Variants in AGPS observed in about 807,000 individuals in gnomAD.
The protein encoded by AGPS is alkylglycerone phosphate synthase.
Under a neutral mutation model 90.7 loss-of-function variants are expected in AGPS, and 26 were observed. The ratio of observed to expected loss-of-function variants is 0.29; its 90% CI spans 0.21 to 0.40. The LOEUF (loss-of-function observed/expected upper bound fraction) is 0.40, where lower values mean the gene tolerates loss of function less well. Among genes scored for constraint, AGPS ranks in the 10% least tolerant of loss-of-function variants. The pLI is 1.00. For missense variants in AGPS, 540 were observed against 816.1 expected, an observed-to-expected ratio of 0.66 and a Z score of 4.12; for synonymous variants, 294 against 285.3, an observed-to-expected ratio of 1.03 and a Z score of -0.31.
intron 18 of AGPS, 29 bp from the exon 19 acceptor site, chr2:177,523,719 A>G (rs772134364): frequency 6.2e-7 from 1 of 1,608,006 alleles, no homozygotes; most frequent in Admixed American, 1.7e-5. Flanking sequence ...CTAACTAGCA[A>G]CAATTTGTTG....
chr2:177,414,896 T>TTGTGTGTGTGTGTG (rs1685739163), intron 1 of AGPS, among the ~76,000 whole-genome samples: 3 of 31,524 alleles, frequency 9.5e-5, no homozygotes, highest in Admixed American at 4.6e-4. Context: ...CTATGAAGGT[T>TTGTGTGTGTGTGTG]CGTGTGTGTG....
chr2:177,532,157 G>GGACT, intron 19 of AGPS, among the ~76,000 whole-genome samples: 1 of 152,048 alleles, frequency 6.6e-6, no homozygotes, highest in East Asian at 1.9e-4. Flanking sequence ...GCTCTATGAA[G>GGACT]GACTCTGTTA....
At chr2:177,458,160 C>T (rs879263311) in intron 8 of AGPS, among the ~76,000 whole-genome samples, 11 of 152,154 alleles carry the variant, frequency 7.2e-5, no homozygotes, top group African/African-American at 2.4e-4. Flanking sequence ...TAAAAACTCT[C>T]AATAAACTAG....
chr2:177,525,880 A>G lies in AGPS; in HGVS notation c.1855+2075A>G, dbSNP rs114741850. Among the ~76,000 whole-genome samples, 1,392 of 152,340 alleles carry G rather than the reference A, an allele frequency of 9.1e-3. 20 individuals carry two copies. Among genetic ancestry groups the G allele is most frequent in the African/African-American group, 0.031 (1,297 of 41,576 alleles). Reference sequence around the variant, plus strand: ...ATTTGTAAGATGCAGAAAGTGTAATATGGCAGAACTGCTGATTTTACTTAT... The same window carrying G: ...ATTTGTAAGATGCAGAAAGTGTAATGTGGCAGAACTGCTGATTTTACTTAT... On this transcript the variant is annotated intron_variant, in intron 19 of 19. Coordinates refer to ENST00000264167, the MANE Select transcript of AGPS (RefSeq NM_003659.4).
Position 177,403,617 on chromosome 2 carries a change from A to G in AGPS, c.260+10568A>G, listed in dbSNP as rs571490449. On this transcript the variant is annotated intron_variant, in intron 1 of 19. Transcript: ENST00000264167. ...ATGTTATGCATTTTGTTGCAGAAAA[A>G]AATAGAAAATAATAATCAAAATGAA... is the stretch of plus-strand genomic sequence containing the variant. Among the ~76,000 whole-genome samples the G allele has an allele frequency of 2.0e-5, 3 of 152,342 alleles. No homozygotes were observed. The South Asian group carries it at 6.2e-4, about 32-fold the overall frequency.
chr2:177,520,604 G>A lies in AGPS; in HGVS notation c.1698-665G>A, dbSNP rs368792489. 1.7e-4 allele frequency among the ~76,000 whole-genome samples: 26 copies of A among 152,286 alleles called. No homozygotes were observed. In the East Asian group the frequency reaches 2.1e-3, roughly 12 times the overall value. On this transcript the variant is annotated intron_variant, in intron 17 of 19. Coordinates refer to ENST00000264167, the MANE Select transcript of AGPS (RefSeq NM_003659.4). ...GTGTGGTCCTTTGGCAGGAAAACAC[G>A]CTCTTGAAAAGTAATGGAGTTGTAC...
In AGPS at chr2:177,521,254, T is replaced by A; in HGVS notation, c.1698-15T>A. ...TTAACTTAAAGCCCCTGTGGGGATT[T>A]TGTTTGTTTTTTAGGGTGACGCAGA... On this transcript the variant is annotated splice_polypyrimidine_tract_variant and intron_variant, in intron 17 of 19. Coordinates refer to ENST00000264167, the MANE Select transcript of AGPS (RefSeq NM_003659.4). 1 of 1,610,902 alleles carries A rather than the reference T, an allele frequency of 6.2e-7. No homozygotes were observed.
chr2:177,424,890 G>A (rs1686034175), intron 2 of AGPS, among the ~76,000 whole-genome samples: 1 of 152,178 alleles, frequency 6.6e-6, no homozygotes, highest in South Asian at 2.1e-4. Flanking sequence ...TTTGAGAAGT[G>A]TCTGTTCATG....
At chr2:177,482,636 A>T (rs1687977298) in intron 11 of AGPS, among the ~76,000 whole-genome samples, 3 of 152,232 alleles carry the variant, frequency 2.0e-5, no homozygotes, top group Middle Eastern at 6.8e-3. Flanking sequence ...AATATAGGTA[A>T]TTCAACTTCA....
In AGPS at chr2:177,445,567, G is replaced by A. The variant is rs1423447287; in HGVS notation, c.811G>A (p.Glu271Lys). Reference protein sequence around the residue: ...SQMNRILWVDENNLTAHVEAG... With the variant: ...SQMNRILWVDKNNLTAHVEAG... ...ACAGAATCGAATTCTCTGGGTTGAT[G>A]AGAACAATTTGACAGCTCATGTAGA... Residue 271 changes from glutamate to lysine, a missense_variant, in exon 8 of 20, where the codon GAG becomes AAG. By Grantham distance (56) the Glu-to-Lys change is moderately conservative (BLOSUM62 1). This residue lies in a region of AGPS where 405 missense variants were observed against 692.1 expected (regional missense o/e 0.59). Coordinates refer to ENST00000264167, the MANE Select transcript of AGPS (RefSeq NM_003659.4). 7 of 1,613,960 alleles carry A rather than the reference G, an allele frequency of 4.3e-6. No homozygotes were observed. Among genetic ancestry groups the A allele is most frequent in the Non-Finnish European group, 5.9e-6 (7 of 1,179,866 alleles).
intron 11 of AGPS, 134 bp from the exon 12 acceptor site, chr2:177,493,013 AC>A: frequency 1.3e-6 from 1 of 750,974 alleles, no homozygotes; most frequent in Non-Finnish European, 2.2e-6. Flanking sequence ...TGAAAAGTTA[AC>A]TTTTTTTCCT....
At chr2:177,394,972 A>G (rs1228573863) in intron 1 of AGPS, among the ~76,000 whole-genome samples, 1 of 152,056 alleles carries the variant, frequency 6.6e-6, no homozygotes, top group Non-Finnish European at 1.5e-5. Flanking sequence ...AGAAAATGCT[A>G]GGAGGTAAAT....
intron 11 of AGPS, among the ~76,000 whole-genome samples, chr2:177,486,362 A>C (rs1461189708): frequency 1.3e-5 from 2 of 152,216 alleles, no homozygotes; most frequent in Non-Finnish European, 2.9e-5. Flanking sequence ...TTTGTAGAAC[A>C]TACAAGTCTC....
At chr2:177,479,761 T>C (rs1309219359) in intron 10 of AGPS, among the ~76,000 whole-genome samples, 1 of 152,214 alleles carries the variant, frequency 6.6e-6, no homozygotes, top group African/African-American at 2.4e-5. Flanking sequence ...TGCCTATGGC[T>C]AGGGTGTGGG....
At chr2:177,465,603 G>A (rs191650222) in intron 9 of AGPS, among the ~76,000 whole-genome samples, 45 of 152,350 alleles carry the variant, frequency 3.0e-4, no homozygotes, top group African/African-American at 8.9e-4. Context: ...AGTCAGGCAC[G>A]CCAGCTGTGG....
rs1402112332 is a variant in AGPS, at chr2:177,426,071, G to A, written c.350+5713G>A. ...TTTGTGTCTTCTCTGAGTTCCGTGA[G>A]CAGTGATTTGTAGTTGTCCTTGAAG... On this transcript the variant is annotated intron_variant, in intron 2 of 19. Transcript: ENST00000264167. Among the ~76,000 whole-genome samples the A allele has an allele frequency of 4.6e-5, 7 of 152,152 alleles. No homozygotes were observed. The South Asian group carries it at 1.5e-3, about 32-fold the overall frequency.
chr2:177,453,347 C>T (rs1253621886), intron 8 of AGPS, among the ~76,000 whole-genome samples: 1 of 151,606 alleles, frequency 6.6e-6, no homozygotes, highest in East Asian at 2.0e-4. Context: ...TATCGGCTCA[C>T]CACAACCTCC....
chr2:177,397,040 A>G lies in AGPS; in HGVS notation c.260+3991A>G, dbSNP rs151112929. On this transcript the variant is annotated intron_variant, in intron 1 of 19. Coordinates refer to ENST00000264167, the MANE Select transcript of AGPS (RefSeq NM_003659.4). ...TGCAACTTCCTGCCTCCCGGGTTCA[A>G]GCGATTCTCCTGCCTCAGCCTCCGG... 1.3e-3 allele frequency among the ~76,000 whole-genome samples: 199 copies of G among 151,400 alleles called. 6 individuals are homozygous for G. The East Asian group carries it at 0.037, about 28-fold the overall frequency.
intron 1 of AGPS, among the ~76,000 whole-genome samples, chr2:177,401,760 A>C (rs1028011303): frequency 1.3e-5 from 2 of 152,078 alleles, no homozygotes; most frequent in Non-Finnish European, 1.5e-5. Context: ...GGACCATGCT[A>C]GTCTCAAACT....
Sources: allele counts gnomAD v4.1 joint callset (sites outside exome capture counted in the v4.1 genomes callset), GRCh38; gene constraint gnomAD v4.1.1; regional missense constraint gnomAD v4.1.1; transcripts MANE v1.5; gene names NCBI Gene and HGNC (gene_info 2026-07-23, HGNC 2026-07-21).